NUDT19: variants seen among roughly 807,000 people sequenced by gnomAD.
NUDT19 encodes the protein nudix hydrolase 19.
Under a neutral mutation model 22.2 loss-of-function variants are expected in NUDT19, and 31 were observed. The observed-to-expected ratio is 1.40, with a 90% CI of 1.05 to 1.89. The LOEUF is 1.89. Ranked by LOEUF, NUDT19 falls within the 40% of genes most tolerant of loss-of-function variation. The pLI is 0.00. For missense variants in NUDT19, 752 were observed against 514.2 expected (o/e 1.46, Z -4.47); for synonymous variants, 325 against 230.8 (o/e 1.41, Z -3.70).
intron 1 of NUDT19, 94 bp downstream of exon 1, chr19:32,692,768 G>C (rs1314696048): frequency 3.3e-6 from 3 of 903,054 alleles, no homozygotes; most frequent in Non-Finnish European, 4.7e-6. Context: ...CCCCGCATAG[G>C]CCAAGCCCAG....
intron 1 of NUDT19, among the ~76,000 whole-genome samples, chr19:32,697,231 G>C (rs1968274591): frequency 6.6e-6 from 1 of 152,038 alleles, no homozygotes; most frequent in Admixed American, 6.6e-5. Context: ...GTCCATCTTG[G>C]TCCCTATTAT....
At position 32,692,396 on chromosome 19, in the gene NUDT19, T is replaced by A. The variant is rs1968200754; in HGVS notation, c.436T>A (p.Ser146Thr). The A allele has an allele frequency of 1.3e-6, 2 of 1,577,860 alleles. No homozygotes were observed. The highest frequency in any genetic ancestry group is 1.7e-6 in the Non-Finnish European group (2 of 1,170,242). Residue 146 changes from serine to threonine, a missense_variant, in exon 1 of 3, where the codon TCC becomes ACC. Coordinates refer to ENST00000397061, the MANE Select transcript of NUDT19 (RefSeq NM_001105570.2). Reference protein sequence around the residue: ...AGVLLLRPRTSPPGPAPGPGL... With the variant: ...AGVLLLRPRTTPPGPAPGPGL... ...CGTGCTGCTGCTGCGGCCCAGGACTTCCCCACCAGGCCCAGCACCCGGGCC... is the reference window on the plus strand; with the variant it reads ...CGTGCTGCTGCTGCGGCCCAGGACTACCCCACCAGGCCCAGCACCCGGGCC...
In NUDT19 at chr19:32,712,841, A is replaced by T. The variant is rs1251148561; in HGVS notation, c.*884A>T. 2 of 152,134 alleles carry T rather than the reference A, an allele frequency of 1.3e-5. No individual in the cohort carries two copies. The highest frequency in any genetic ancestry group is 2.9e-5 in the Non-Finnish European group (2 of 68,020). 9.4% of individuals were successfully genotyped at this position (152,134 alleles called of 1,614,324 possible). ...ATTTCACAAGGGTTCCTACTTCTGTATTGTTTTATTATCTCAAAAATTTAA... is the reference window on the plus strand; with the variant it reads ...ATTTCACAAGGGTTCCTACTTCTGTTTTGTTTTATTATCTCAAAAATTTAA... On this transcript the variant is annotated 3_prime_UTR_variant, in exon 3 of 3. Coordinates refer to ENST00000397061, the MANE Select transcript of NUDT19 (RefSeq NM_001105570.2).
At chr19:32,696,681 G>T (rs1396908013) in intron 1 of NUDT19, among the ~76,000 whole-genome samples, 1 of 152,162 alleles carries the variant, frequency 6.6e-6, no homozygotes, top group Non-Finnish European at 1.5e-5. Flanking sequence ...AACAAGAAAG[G>T]CATGTGAAAG....
chr19:32,693,372 G>A (rs910331932), intron 1 of NUDT19, among the ~76,000 whole-genome samples: 2 of 152,184 alleles, frequency 1.3e-5, no homozygotes, highest in Admixed American at 6.5e-5. Context: ...TGGTGGGTTT[G>A]TGGTCTCGCT....
intron 1 of NUDT19, among the ~76,000 whole-genome samples, chr19:32,702,958 TA>T (rs1968350966): frequency 6.6e-6 from 1 of 152,226 alleles, no homozygotes; most frequent in South Asian, 2.1e-4. Context: ...ATTTGACTTT[TA>T]TTATAAACTC....
In NUDT19 at chr19:32,712,113, C is replaced by T. The variant is rs1599804721; in HGVS notation, c.*156C>T. 7 of 615,522 alleles carry T rather than the reference C, an allele frequency of 1.1e-5. No homozygotes were observed. Among genetic ancestry groups the T allele is most frequent in the East Asian group, 5.6e-5 (2 of 35,514 alleles). The allele number at this position is 615,522 out of a possible 1,614,324, so 38.1% of individuals were successfully genotyped here. A position where few individuals can be genotyped will look rare whatever the true frequency, so the allele number is the denominator to read the frequency against. On this transcript the variant is annotated 3_prime_UTR_variant, in exon 3 of 3. Coordinates refer to ENST00000397061, the MANE Select transcript of NUDT19 (RefSeq NM_001105570.2). ...TTTTCGAGACAGAGTCTCAATCTGT[C>T]GCCCAGGCTGGAGTGCAGTGGCATG...
chr19:32,709,964 T>A (rs1487051956), intron 2 of NUDT19, among the ~76,000 whole-genome samples: 1 of 151,830 alleles, frequency 6.6e-6, no homozygotes, highest in East Asian at 1.9e-4. Context: ...ATTTCTCACT[T>A]TTTTGCATTT....
intron 1 of NUDT19, among the ~76,000 whole-genome samples, chr19:32,704,544 G>A (rs974486195): frequency 6.6e-6 from 1 of 152,056 alleles, no homozygotes; most frequent in African/African-American, 2.4e-5. Flanking sequence ...ACAGGCGTGA[G>A]CCACCATGCC....
In NUDT19 at chr19:32,698,759, G is replaced by A. The variant is rs139484874; in HGVS notation, c.714+6085G>A. Among the ~76,000 whole-genome samples, 746 of 152,232 alleles carry A rather than the reference G, an allele frequency of 4.9e-3. 7 individuals are homozygous for A. The highest frequency in any genetic ancestry group is 0.017 in the African/African-American group (703 of 41,544). ...TACCAACACATTCTCGAAAACCTGC[G>A]CCCTTTCCTGTCCTCCTAGACCTCA... On this transcript the variant is annotated intron_variant, in intron 1 of 2. Transcript: ENST00000397061.
intron 1 of NUDT19, among the ~76,000 whole-genome samples, chr19:32,708,594 T>C (rs1461605839): frequency 6.6e-6 from 1 of 152,156 alleles, no homozygotes; most frequent in Non-Finnish European, 1.5e-5. Context: ...TACCAAGTTA[T>C]TACTCTCTTG....
Position 32,692,061 on chromosome 19 carries a change from C to T in NUDT19, c.101C>T (p.Ser34Leu). The T allele has an allele frequency of 7.7e-7, 1 of 1,293,244 alleles. No individual in the cohort carries two copies. The highest frequency in any genetic ancestry group is 9.8e-7 in the Non-Finnish European group (1 of 1,025,124). The allele number at this position is 1,293,244 out of a possible 1,614,324, so 80.1% of individuals were successfully genotyped here. Reference protein sequence around the residue: ...WSRPETATPPSRPPPAEGFRL... With the variant: ...WSRPETATPPLRPPPAEGFRL... ...CGCCCGGAGACCGCCACCCCGCCGT[C>T]GCGCCCGCCGCCGGCCGAGGGCTTC... The change falls in exon 1 of 3, where the codon TCG becomes TTG. Residue 34 changes from serine (S) to leucine (L), a missense_variant. Coordinates refer to ENST00000397061, the MANE Select transcript of NUDT19 (RefSeq NM_001105570.2).
intron 1 of NUDT19, among the ~76,000 whole-genome samples, chr19:32,693,061 C>T (rs1462939833): frequency 1.3e-5 from 2 of 152,184 alleles, no homozygotes; most frequent in East Asian, 3.9e-4. Flanking sequence ...AGATGGGGGT[C>T]TTGTCTCTCT....
chr19:32,696,042 G>C (rs1358424046), intron 1 of NUDT19, among the ~76,000 whole-genome samples: 2 of 152,150 alleles, frequency 1.3e-5, no homozygotes, highest in Non-Finnish European at 2.9e-5. Context: ...ATTAGCTAAC[G>C]GGACTTCTAA....
chr19:32,692,505 G>A lies in NUDT19; in HGVS notation c.545G>A (p.Cys182Tyr), dbSNP rs745571790. ...GACCCGCGCCACTTCCTGCGGCTGT[G>A]CGCCCACCTCGACTGCACACCCGAC... ...RQDPRHFLRL[C>Y]AHLDCTPDIW... The change falls in exon 1 of 3, where the codon TGC (cysteine) becomes TAC (tyrosine). Residue 182 changes from cysteine to tyrosine, a missense_variant. Coordinates refer to ENST00000397061, the MANE Select transcript of NUDT19 (RefSeq NM_001105570.2). 6.4e-7 allele frequency: 1 copy of A among 1,559,160 alleles called. No homozygotes were observed. The highest frequency in any genetic ancestry group is 8.6e-7 in the Non-Finnish European group (1 of 1,156,276).
At chr19:32,699,589 C>A (rs760601982) in intron 1 of NUDT19, among the ~76,000 whole-genome samples, 1 of 152,138 alleles carries the variant, frequency 6.6e-6, no homozygotes, top group African/African-American at 2.4e-5. Context: ...CCACACTAGT[C>A]GCTTTTAACT....
chr19:32,692,078 G>T lies in NUDT19; in HGVS notation c.118G>T (p.Glu40Ter). 1.5e-6 allele frequency: 2 copies of T among 1,319,038 alleles called. No individual in the cohort carries two copies. The highest frequency in any genetic ancestry group is 1.9e-6 in the Non-Finnish European group (2 of 1,038,262). 81.7% of individuals were successfully genotyped at this position (1,319,038 alleles called of 1,614,324 possible). A position where few individuals can be genotyped will look rare whatever the true frequency, so the allele number is the denominator to read the frequency against. ...ATPPSRPPPAEGFRLLLLQRS... is the reference protein window; with the variant it reads ...ATPPSRPPPA ...CCCGCCGTCGCGCCCGCCGCCGGCC[G>T]AGGGCTTCCGGCTGCTGCTGCTGCA... is the stretch of plus-strand genomic sequence containing the variant. Residue 40 changes from glutamate (E) to a stop codon, truncating the protein, a stop_gained, in exon 1 of 3, where the codon GAG (glutamate) becomes TAG (stop). Coordinates refer to ENST00000397061, the MANE Select transcript of NUDT19 (RefSeq NM_001105570.2). LOFTEE classifies it high-confidence loss of function.
chr19:32,692,687 C>A lies in NUDT19; in HGVS notation c.714+13C>A. ...GGTGGGCTACCAGGTAAGGCCTGCT[C>A]AGGGCCTTGCTGCGGACCGCCAGGA... is the stretch of plus-strand genomic sequence containing the variant. On this transcript the variant is annotated intron_variant, in intron 1 of 2. Coordinates refer to ENST00000397061, the MANE Select transcript of NUDT19 (RefSeq NM_001105570.2). 6.9e-7 allele frequency: 1 copy of A among 1,455,158 alleles called. No individual in the cohort carries two copies. The highest frequency in any genetic ancestry group is 9.0e-7 in the Non-Finnish European group (1 of 1,110,568). 90.1% of individuals were successfully genotyped at this position (1,455,158 alleles called of 1,614,324 possible).
At chr19:32,702,196 T>G (rs1287365979) in intron 1 of NUDT19, among the ~76,000 whole-genome samples, 2 of 152,138 alleles carry the variant, frequency 1.3e-5, no homozygotes, top group Non-Finnish European at 2.9e-5. Flanking sequence ...TCAGTAAAGA[T>G]TAATTGACAA....
Sources: allele counts gnomAD v4.1 joint callset (sites outside exome capture counted in the v4.1 genomes callset), GRCh38; gene constraint gnomAD v4.1.1; transcripts MANE v1.5; gene names NCBI Gene and HGNC (gene_info 2026-07-23, HGNC 2026-07-21).